The following SERPINB6 variants were observed in gnomAD, a reference collection of about 807,000 sequenced individuals.
SERPINB6 encodes serpin B6.
In SERPINB6, 16 loss-of-function variants were observed where a neutral mutation model predicts 26.1. That is an observed-to-expected ratio of 0.61 (90% confidence interval 0.42 to 0.93). The LOEUF (loss-of-function observed/expected upper bound fraction) is 0.93, where lower values mean the gene tolerates loss of function less well. Among genes scored for constraint, SERPINB6 ranks in the 40% least tolerant of loss-of-function variants. SERPINB6 has a pLI of 0.00. For missense variants in SERPINB6, 420 were observed against 478.0 expected, an observed-to-expected ratio of 0.88 and a Z score of 1.13; for synonymous variants, 174 against 176.6, an observed-to-expected ratio of 0.99 and a Z score of 0.11.
intron 5 of SERPINB6, among the ~76,000 whole-genome samples, chr6:2,952,427 G>A (rs1464744356): frequency 6.6e-6 from 1 of 152,256 alleles, no homozygotes; most frequent in Non-Finnish European, 1.5e-5. Context: ...AGAAGATTCA[G>A]TGAGAGGAAG....
At position 2,948,246 on chromosome 6, in the gene SERPINB6, G is replaced by T. The variant is rs760263918; in HGVS notation, c.*52C>A. On this transcript the variant is annotated 3_prime_UTR_variant, in exon 7 of 7. Transcript: ENST00000380539. The surrounding 1 kb of genome is among the most constrained non-coding windows in gnomAD (Gnocchi z 5.0). ...CCACTTGGGTTGCAGGCACACTGTG[G>T]AGTGTCAGGGGACAGAGAGGAGAGG... The T allele has an allele frequency of 7.5e-6, 12 of 1,605,958 alleles. No individual in the cohort carries two copies. Among genetic ancestry groups the T allele is most frequent in the Non-Finnish European group, 1.0e-5 (12 of 1,174,348 alleles).
At chr6:2,954,269 G>T (rs1330740082) in intron 4 of SERPINB6, among the ~76,000 whole-genome samples, 3 of 152,174 alleles carry the variant, frequency 2.0e-5, no homozygotes, top group African/African-American at 7.2e-5. Flanking sequence ...TGTTACTTGT[G>T]AAAGGAAAAA....
chr6:2,965,600 T>C (rs1213816392), intron 1 of SERPINB6, among the ~76,000 whole-genome samples: 1 of 152,238 alleles, frequency 6.6e-6, no homozygotes, highest in African/African-American at 2.4e-5. Context: ...AATCAAGACA[T>C]ATAAATCTAG....
At position 2,948,834 on chromosome 6, in the gene SERPINB6, G is replaced by A. The variant is rs1347687258; in HGVS notation, c.729+80C>T. The A allele has an allele frequency of 4.5e-5, 72 of 1,593,208 alleles. No individual in the cohort carries two copies. Among genetic ancestry groups the A allele is most frequent in the Non-Finnish European group, 5.9e-5 (69 of 1,162,876 alleles). ...GCGCTCCAGTGTTAAACGGCTGACC[G>A]CAAAGTAGGGACAGCAGCCACAGCA... On this transcript the variant is annotated intron_variant, in intron 6 of 6. Transcript: ENST00000380539. The surrounding 1 kb of genome is among the most constrained non-coding windows in gnomAD (Gnocchi z 5.0).
rs369004254 is a variant in SERPINB6 at position 2,948,302 on chromosome 6, G to A, written c.1127C>T (p.Pro376Leu). ...GILFCGRFSS[P>L] ...CACACCAAGACTGCCCTGTCCTCACGGAGAGGAAAAGCGGCCGCAGAAGAG... is the reference window on the plus strand; with the variant it reads ...CACACCAAGACTGCCCTGTCCTCACAGAGAGGAAAAGCGGCCGCAGAAGAG... Residue 376 changes from proline (P) to leucine (L), a missense_variant, in exon 7 of 7, where the codon CCG (proline) becomes CTG (leucine). Transcript: ENST00000380539. The surrounding 1 kb of genome is among the most constrained non-coding windows in gnomAD (Gnocchi z 5.0). The A allele has an allele frequency of 1.5e-5, 25 of 1,613,430 alleles. No homozygotes were observed. Among genetic ancestry groups the A allele is most frequent in the East Asian group, 8.9e-5 (4 of 44,892 alleles).
chr6:2,951,242 C>T (rs1392362346), intron 5 of SERPINB6, among the ~76,000 whole-genome samples: 1 of 151,854 alleles, frequency 6.6e-6, no homozygotes, highest in African/African-American at 2.4e-5. Context: ...AAAAATTAGC[C>T]GGGCATAGTG....
At chr6:2,962,352 G>A (rs186570627) in intron 1 of SERPINB6, among the ~76,000 whole-genome samples, 8 of 152,192 alleles carry the variant, frequency 5.3e-5, no homozygotes, top group African/African-American at 1.9e-4. Context: ...TGTGTCAGGG[G>A]ATTTAATCTG....
At chr6:2,961,438 A>G (rs922131307) in intron 1 of SERPINB6, 4 of 152,192 alleles carry the variant, frequency 2.6e-5, no homozygotes, top group Admixed American at 2.6e-4. Flanking sequence ...ACCAGTATAA[A>G]CAAAAGTAGC....
intron 1 of SERPINB6, chr6:2,963,582 C>T (rs1354300328): frequency 6.6e-6 from 1 of 152,290 alleles, no homozygotes; most frequent in Non-Finnish European, 1.5e-5. Context: ...CATGCTAATA[C>T]TGACAAAGAC....
chr6:2,958,867 G>A (rs557439698), intron 2 of SERPINB6, among the ~76,000 whole-genome samples: 21 of 152,162 alleles, frequency 1.4e-4, no homozygotes, highest in African/African-American at 4.8e-4. Flanking sequence ...GATCATCACA[G>A]GACTCAACCT....
chr6:2,971,078 G>A, intron 1 of SERPINB6: 1 of 1,141,972 alleles, frequency 8.8e-7, no homozygotes, highest in Non-Finnish European at 1.1e-6. Context: ...CGCGGAGCGG[G>A]CGAGGGGTCA....
Position 2,951,407 on chromosome 6 carries a change from A to C in SERPINB6, c.573+1637T>G, listed in dbSNP as rs192502718. 4.6e-5 allele frequency among the ~76,000 whole-genome samples: 7 copies of C among 151,866 alleles called. No individual in the cohort carries two copies. The East Asian group carries it at 1.4e-3, about 29-fold the overall frequency. ...GTCTTGGAAAAAATAAAAAATAAAA[A>C]AAAAAAATAAGCATGGCTGTGTTTC... On this transcript the variant is annotated intron_variant, in intron 5 of 6. Coordinates refer to ENST00000380539, the MANE Select transcript of SERPINB6 (RefSeq NM_004568.6).
chr6:2,948,711 C>T lies in SERPINB6; in HGVS notation c.730-12G>A, dbSNP rs201109518. The T allele has an allele frequency of 4.3e-6, 7 of 1,613,490 alleles. No individual in the cohort carries two copies. In the East Asian group the frequency reaches 6.7e-5, roughly 15 times the overall value. ...AGTTCTTTCTCCACCTAGAGGGAGA[C>T]AGTTGAAGACTTTAAGACCCAGGGT... is the stretch of plus-strand genomic sequence containing the variant. On this transcript the variant is annotated splice_polypyrimidine_tract_variant and intron_variant, in intron 6 of 6. Coordinates refer to ENST00000380539, the MANE Select transcript of SERPINB6 (RefSeq NM_004568.6). This position sits in a 1 kb window ranked among gnomAD's most constrained non-coding sequence, Gnocchi z 5.0.
At chr6:2,953,280 A>C in intron 4 of SERPINB6, 94 bp from the exon 5 acceptor site, 2 of 1,534,200 alleles carry the variant, frequency 1.3e-6, no homozygotes, top group Admixed American at 3.3e-5. Flanking sequence ...TCAGCAGTCA[A>C]GTGCACGGAT....
In SERPINB6 at chr6:2,948,863, AC is replaced by A. The variant is rs1430076844; in HGVS notation, c.729+50del. ...AGTAGGGACAGCAGCCACAGCAGAC[AC>A]CCCCGAGTGGCTCCTTGCTAGCACG... On this transcript the variant is annotated intron_variant, in intron 6 of 6. Transcript: ENST00000380539. The surrounding 1 kb of genome is among the most constrained non-coding windows in gnomAD (Gnocchi z 5.0). 19 of 1,610,682 alleles carry A rather than the reference AC, an allele frequency of 1.2e-5. No homozygotes were observed. The highest frequency in any genetic ancestry group is 1.6e-5 in the Non-Finnish European group (19 of 1,177,726).
At chr6:2,962,162 T>C in intron 1 of SERPINB6, 1 of 985,494 alleles carries the variant, frequency 1.0e-6, no homozygotes, top group Non-Finnish European at 1.2e-6. Flanking sequence ...AAGCCACCTT[T>C]GTCTGAAGAC....
intron 1 of SERPINB6, chr6:2,959,627 C>T: frequency 2.2e-6 from 1 of 460,932 alleles, no homozygotes; most frequent in East Asian, 4.4e-5. Context: ...GGCACCCTTT[C>T]CTGGAGTCTC....
At chr6:2,953,643 C>A (rs1472117343) in intron 4 of SERPINB6, among the ~76,000 whole-genome samples, 16 of 151,982 alleles carry the variant, frequency 1.1e-4, no homozygotes, top group Non-Finnish European at 2.9e-5. Context: ...CCAACCTGGA[C>A]AACATAGTGA....
intron 2 of SERPINB6, among the ~76,000 whole-genome samples, chr6:2,958,400 C>T (rs150920138): frequency 0.016 from 2,438 of 152,286 alleles, 40 homozygotes; most frequent in South Asian, 0.06. Context: ...CCCTCTCAGG[C>T]GCGGAGATGC....
Sources: gnomAD v4.1 joint callset for allele counts (sites outside exome capture counted in the v4.1 genomes callset) on GRCh38, gnomAD v4.1.1 for gene constraint, Gnocchi (gnomAD v3.1) non-coding constraint, MANE v1.5 for transcripts, NCBI Gene and HGNC (gene_info 2026-07-23, HGNC 2026-07-21) for gene names.